SLC35D3: variants seen among roughly 807,000 people sequenced by gnomAD.
The protein encoded by SLC35D3 is solute carrier family 35 member D3.
A neutral mutation model predicts 20.3 loss-of-function variants in SLC35D3; 18 were observed. The ratio of observed to expected loss-of-function variants is 0.89; its 90% CI spans 0.61 to 1.32. The LOEUF (loss-of-function observed/expected upper bound fraction) is 1.32. SLC35D3 is among the 40% of genes most tolerant of loss of function. The pLI, the probability that SLC35D3 is intolerant of heterozygous loss-of-function variation, is 0.00. For synonymous variants in SLC35D3, 313 were observed against 263.5 expected, an observed-to-expected ratio of 1.19 and a Z score of -1.82; for missense variants, 556 against 565.5, an observed-to-expected ratio of 0.98 and a Z score of 0.17.
chr6:136,922,857 C>A lies in SLC35D3; in HGVS notation c.429C>A (p.Ala143=). The change falls in exon 1 of 2, where the codon GCC becomes GCA. Residue 143 remains alanine, a synonymous_variant. Coordinates refer to ENST00000331858, the MANE Select transcript of SLC35D3 (RefSeq NM_001008783.3). This position sits in a 1 kb window ranked among gnomAD's most constrained non-coding sequence, Gnocchi z 6.8. ...CGGTGCTCATCACCACCTGCGGCGC[C>A]GCCCTGGCAGGTGAGCGGGCCCCCG... ...LAAVLITTCG[A]ALAGAGDLTG... 2.0e-6 allele frequency: 3 copies of A among 1,536,756 alleles called. No homozygotes were observed. Among genetic ancestry groups the A allele is most frequent in the South Asian group, 2.4e-5 (2 of 83,692 alleles).
chr6:136,922,363 T>C lies in SLC35D3; in HGVS notation c.-66T>C. 5 of 1,316,680 alleles carry C rather than the reference T, an allele frequency of 3.8e-6. No homozygotes were observed. The highest frequency in any genetic ancestry group is 3.9e-6 in the Non-Finnish European group (4 of 1,037,062). 81.6% of individuals were successfully genotyped at this position (1,316,680 alleles called of 1,614,324 possible). A position where few individuals can be genotyped will look rare whatever the true frequency, so the allele number is the denominator to read the frequency against. ...GGCGCCCCCGCCGCCCTCACTCCGCTGCTCCCGGCTCCTCGCGCGCAGGTC... is the reference window on the plus strand; with the variant it reads ...GGCGCCCCCGCCGCCCTCACTCCGCCGCTCCCGGCTCCTCGCGCGCAGGTC... On this transcript the variant is annotated 5_prime_UTR_variant, in exon 1 of 2. Coordinates refer to ENST00000331858, the MANE Select transcript of SLC35D3 (RefSeq NM_001008783.3). The surrounding 1 kb of genome is among the most constrained non-coding windows in gnomAD (Gnocchi z 6.8).
rs774941211 is a variant in SLC35D3 at position 136,924,554 on chromosome 6, T to C, written c.1109T>C (p.Val370Ala). 8.1e-6 allele frequency: 13 copies of C among 1,612,760 alleles called. No individual in the cohort carries two copies. Among genetic ancestry groups the C allele is most frequent in the Non-Finnish European group, 1.1e-5 (13 of 1,179,864 alleles). Reference protein sequence around the residue: ...RQEVRGSPRGVPLVAGSSEEG... With the variant: ...RQEVRGSPRGAPLVAGSSEEG... Reference sequence around the variant, plus strand: ...GAGGTCAGGGGCAGCCCCCGAGGAGTCCCGCTGGTGGCTGGGAGCTCTGAA... The same window carrying C: ...GAGGTCAGGGGCAGCCCCCGAGGAGCCCCGCTGGTGGCTGGGAGCTCTGAA... Residue 370 changes from valine to alanine, a missense_variant, in exon 2 of 2, where the codon GTC becomes GCC. Transcript: ENST00000331858.
rs780449952 is a variant in SLC35D3 at position 136,924,400 on chromosome 6, C to T, written c.955C>T (p.Arg319Trp). Reference sequence around the variant, plus strand: ...CTACGAGGACCTGGAGGCCCAGCCTCGGGGAGAGGAGGCGCAGCTAAGTGG... The same window carrying T: ...CTACGAGGACCTGGAGGCCCAGCCTTGGGGAGAGGAGGCGCAGCTAAGTGG... ...SNYEDLEAQP[R>W]GEEAQLSGDQ... is the part of the protein sequence containing the mutation. The change falls in exon 2 of 2, where the codon CGG becomes TGG. Residue 319 changes from arginine to tryptophan, a missense_variant. Coordinates refer to ENST00000331858, the MANE Select transcript of SLC35D3 (RefSeq NM_001008783.3). The T allele has an allele frequency of 1.9e-6, 3 of 1,613,872 alleles. No homozygotes were observed. The highest frequency in any genetic ancestry group is 1.3e-5 in the African/African-American group (1 of 74,914).
rs749426592 is a variant in SLC35D3, at chr6:136,922,460, G to T, written c.32G>T (p.Gly11Val). The part of the protein sequence containing the change: MRQLCRGRVL[G>V]ISVAIAHGVF... ...CAGCTGTGCCGGGGCCGCGTGCTGG[G>T]CATCTCGGTGGCCATCGCGCACGGG... The change falls in exon 1 of 2, where the codon GGC becomes GTC. Residue 11 changes from glycine (G) to valine (V), a missense_variant. Physicochemically the swap from Gly to Val is moderately radical, Grantham distance 109. Transcript: ENST00000331858. This position sits in a 1 kb window ranked among gnomAD's most constrained non-coding sequence, Gnocchi z 6.8. 1 of 1,602,806 alleles carries T rather than the reference G, an allele frequency of 6.2e-7. No homozygotes were observed. Among genetic ancestry groups the T allele is most frequent in the South Asian group, 1.1e-5 (1 of 89,342 alleles).
In SLC35D3 at chr6:136,923,448, C is replaced by T. The variant is rs1164943316; in HGVS notation, c.440-437C>T. Reference sequence around the variant, plus strand: ...GGGGGCCAGAACAGGCGTTCTCCCCCGCGCCTGGCCCGCTCCGGGTTGCAG... The same window carrying T: ...GGGGGCCAGAACAGGCGTTCTCCCCTGCGCCTGGCCCGCTCCGGGTTGCAG... On this transcript the variant is annotated intron_variant, in intron 1 of 1. Transcript: ENST00000331858. The surrounding 1 kb of genome is among the most constrained non-coding windows in gnomAD (Gnocchi z 6.2). Among the ~76,000 whole-genome samples the T allele has an allele frequency of 2.0e-5, 3 of 152,196 alleles. No individual in the cohort carries two copies. Among genetic ancestry groups the T allele is most frequent in the Non-Finnish European group, 2.9e-5 (2 of 68,036 alleles).
Position 136,922,510 on chromosome 6 carries a change from T to C in SLC35D3, c.82T>C (p.Leu28=). 2 of 1,611,896 alleles carry C rather than the reference T, an allele frequency of 1.2e-6. No homozygotes were observed. The highest frequency in any genetic ancestry group is 1.7e-5 in the Admixed American group (1 of 59,976). Residue 28 remains leucine (L), a synonymous_variant, in exon 1 of 2, where the codon TTG becomes CTG. Coordinates refer to ENST00000331858, the MANE Select transcript of SLC35D3 (RefSeq NM_001008783.3). This position sits in a 1 kb window ranked among gnomAD's most constrained non-coding sequence, Gnocchi z 6.8. ...HGVFSGSLNI[L]LKFLISRYQF... ...GGTCTTCTCGGGCTCCCTCAACATC[T>C]TGCTCAAGTTCCTCATCAGCCGCTA...
At position 136,925,600 on chromosome 6, in the gene SLC35D3, C is replaced by G. The variant is rs1288534459; in HGVS notation, c.*904C>G. ...TATTCACATTATGATATTTTTCTAT[C>G]TTAAATTTGTCAAAATAAAGTATGA... is the stretch of plus-strand genomic sequence containing the variant. On this transcript the variant is annotated 3_prime_UTR_variant, in exon 2 of 2. Coordinates refer to ENST00000331858, the MANE Select transcript of SLC35D3 (RefSeq NM_001008783.3). The G allele has an allele frequency of 1.3e-5, 2 of 152,166 alleles. No individual in the cohort carries two copies. The highest frequency in any genetic ancestry group is 2.1e-4 in the South Asian group (1 of 4,828). 9.4% of individuals were successfully genotyped at this position (152,166 alleles called of 1,614,324 possible). A position where few individuals can be genotyped will look rare whatever the true frequency, so the allele number is the denominator to read the frequency against.
In SLC35D3 at chr6:136,922,556, T is replaced by C. The variant is rs1238710066; in HGVS notation, c.128T>C (p.Leu43Pro). 8 of 1,612,510 alleles carry C rather than the reference T, an allele frequency of 5.0e-6. No homozygotes were observed. Among genetic ancestry groups the C allele is most frequent in the Non-Finnish European group, 5.9e-6 (7 of 1,179,746 alleles). The change falls in exon 1 of 2, where the codon CTG becomes CCG. Residue 43 changes from leucine (L) to proline (P), a missense_variant. Transcript: ENST00000331858. The surrounding 1 kb of genome is among the most constrained non-coding windows in gnomAD (Gnocchi z 6.8). The stretch of plus-strand genomic sequence containing the variant: ...CGCTACCAGTTCTCCTTCCTGACCC[T>C]GGTGCAGTGCCTGACCAGCTCCACC... ...ISRYQFSFLT[L>P]VQCLTSSTAA...
Position 136,922,708 on chromosome 6 carries a change from TG to T in SLC35D3, c.282del (p.Trp94CysfsTer58). ...CACGCTGCAGTCCAGCCTCACGCTC[TG>T]GTCCCTGCGCGGCCTCAGCCTGCCC... ...LSTLQSSLTL[W>X]SLRGLSLPMY... On this transcript the variant is annotated frameshift_variant, in exon 1 of 2. Transcript: ENST00000331858. LOFTEE classifies it high-confidence loss of function. The surrounding 1 kb of genome is among the most constrained non-coding windows in gnomAD (Gnocchi z 6.8). The T allele has an allele frequency of 6.3e-7, 1 of 1,592,796 alleles. No individual in the cohort carries two copies. Among genetic ancestry groups the T allele is most frequent in the Non-Finnish European group, 8.5e-7 (1 of 1,170,632 alleles).
chr6:136,925,054 T>C lies in SLC35D3; in HGVS notation c.*358T>C, dbSNP rs1776115936. 5.6e-6 allele frequency: 1 copy of C among 177,962 alleles called. No homozygotes were observed. Among genetic ancestry groups the C allele is most frequent in the Non-Finnish European group, 1.2e-5 (1 of 83,770 alleles). 11.0% of individuals were successfully genotyped at this position (177,962 alleles called of 1,614,324 possible). ...CTCCAAAGATGGAGTGTAGAAATGA[T>C]GACAGCACTTAGTAAGTTCAAAGAT... On this transcript the variant is annotated 3_prime_UTR_variant, in exon 2 of 2. Transcript: ENST00000331858.
At position 136,924,526 on chromosome 6, in the gene SLC35D3, C is replaced by T. The variant is rs1776108095; in HGVS notation, c.1081C>T (p.Gln361Ter). Residue 361 changes from glutamine to a stop codon, truncating the protein, a stop_gained, in exon 2 of 2, where the codon CAA (glutamine) becomes TAA (stop). Transcript: ENST00000331858. LOFTEE classifies it high-confidence loss of function. ...AAGGPAQESR[Q>*]EVRGSPRGVP... ...AGGTGGCCCCGCTCAGGAGAGCAGG[C>T]AAGAGGTCAGGGGCAGCCCCCGAGG... 2 of 1,613,220 alleles carry T rather than the reference C, an allele frequency of 1.2e-6. No homozygotes were observed. The highest frequency in any genetic ancestry group is 1.7e-6 in the Non-Finnish European group (2 of 1,179,916).
In SLC35D3 at chr6:136,922,634, C is replaced by T. The variant is rs199706037; in HGVS notation, c.206C>T (p.Pro69Leu). ...CGCCTCGGGCTCATCGCCGTGCCCC[C>T]CTTCGGTCTGAGCCTGGCGCGCTCC... is the stretch of plus-strand genomic sequence containing the variant. ...LRRLGLIAVP[P>L]FGLSLARSFA... is the part of the protein sequence containing the mutation. The change falls in exon 1 of 2, where the codon CCC becomes CTC. Residue 69 changes from proline (P) to leucine (L), a missense_variant. Transcript: ENST00000331858. This position sits in a 1 kb window ranked among gnomAD's most constrained non-coding sequence, Gnocchi z 6.8. 22 of 1,610,126 alleles carry T rather than the reference C, an allele frequency of 1.4e-5. No individual in the cohort carries two copies. The Admixed American group carries it at 1.8e-4, about 13-fold the overall frequency.
Position 136,924,441 on chromosome 6 carries a change from C to G in SLC35D3, c.996C>G (p.Phe332Leu). The G allele has an allele frequency of 6.2e-7, 1 of 1,613,822 alleles. No individual in the cohort carries two copies. Among genetic ancestry groups the G allele is most frequent in the Non-Finnish European group, 8.5e-7 (1 of 1,179,894 alleles). Residue 332 changes from phenylalanine (F) to leucine (L), a missense_variant, in exon 2 of 2, where the codon TTC becomes TTG. Coordinates refer to ENST00000331858, the MANE Select transcript of SLC35D3 (RefSeq NM_001008783.3). ...EAQLSGDQLP[F>L]VMEELPGEGG... Reference sequence around the variant, plus strand: ...AGCTAAGTGGAGACCAGCTGCCGTTCGTGATGGAGGAGCTGCCCGGGGAGG... The same window carrying G: ...AGCTAAGTGGAGACCAGCTGCCGTTGGTGATGGAGGAGCTGCCCGGGGAGG...
In SLC35D3 at chr6:136,922,592, G is replaced by T. The variant is rs1374021486; in HGVS notation, c.164G>T (p.Ser55Ile). The T allele has an allele frequency of 6.2e-7, 1 of 1,612,174 alleles. No individual in the cohort carries two copies. Among genetic ancestry groups the T allele is most frequent in the East Asian group, 2.2e-5 (1 of 44,848 alleles). The change falls in exon 1 of 2, where the codon AGC becomes ATC. Residue 55 changes from serine (S) to isoleucine (I), a missense_variant. Coordinates refer to ENST00000331858, the MANE Select transcript of SLC35D3 (RefSeq NM_001008783.3). The surrounding 1 kb of genome is among the most constrained non-coding windows in gnomAD (Gnocchi z 6.8). ...QCLTSSTAAL[S>I]LELLRRLGLI... ...CTGACCAGCTCCACCGCGGCGCTGA[G>T]CCTGGAGCTGCTGCGGCGCCTCGGG...
rs1211249080 is a variant in SLC35D3 at position 136,924,129 on chromosome 6, C to A, written c.684C>A (p.Ile228=). 2.5e-6 allele frequency: 4 copies of A among 1,612,716 alleles called. No individual in the cohort carries two copies. The highest frequency in any genetic ancestry group is 3.4e-6 in the Non-Finnish European group (4 of 1,180,036). Residue 228 remains isoleucine (I), a synonymous_variant, in exon 2 of 2, where the codon ATC becomes ATA. Coordinates refer to ENST00000331858, the MANE Select transcript of SLC35D3 (RefSeq NM_001008783.3). ...PGWKDPAMVC[I]FVACILIGCA... The stretch of plus-strand genomic sequence containing the variant: ...GGAAGGACCCGGCCATGGTCTGCAT[C>A]TTCGTGGCCTGCATCCTGATCGGCT...
rs1485093634 is a variant in SLC35D3, at chr6:136,922,400, C to T, written c.-29C>T. 2 of 1,450,902 alleles carry T rather than the reference C, an allele frequency of 1.4e-6. No homozygotes were observed. Among genetic ancestry groups the T allele is most frequent in the Non-Finnish European group, 1.8e-6 (2 of 1,107,640 alleles). 89.9% of individuals were successfully genotyped at this position (1,450,902 alleles called of 1,614,324 possible). A position where few individuals can be genotyped will look rare whatever the true frequency, so the allele number is the denominator to read the frequency against. Reference sequence around the variant, plus strand: ...CTCGCGCGCAGGTCGCGGAGCTCCGCCACCGCTGGGTGCGGCGAGGCCGGC... The same window carrying T: ...CTCGCGCGCAGGTCGCGGAGCTCCGTCACCGCTGGGTGCGGCGAGGCCGGC... On this transcript the variant is annotated 5_prime_UTR_variant, in exon 1 of 2. Coordinates refer to ENST00000331858, the MANE Select transcript of SLC35D3 (RefSeq NM_001008783.3). This position sits in a 1 kb window ranked among gnomAD's most constrained non-coding sequence, Gnocchi z 6.8.
Position 136,923,887 on chromosome 6 carries a change from G to C in SLC35D3, c.442G>C (p.Ala148Pro). ...ITTCGAALAG[A>P]GDLTGDPIGY... ...GCCGTCCTCCTCGTGCGCCGCAGGA[G>C]CCGGCGACCTGACGGGCGACCCCAT... The change falls in exon 2 of 2, where the codon GCC becomes CCC. Residue 148 changes from alanine (A) to proline (P), a missense_variant and splice_region_variant. Transcript: ENST00000331858. The surrounding 1 kb of genome is among the most constrained non-coding windows in gnomAD (Gnocchi z 6.2). The C allele has an allele frequency of 6.6e-7, 1 of 1,508,666 alleles. No individual in the cohort carries two copies. Among genetic ancestry groups the C allele is most frequent in the Non-Finnish European group, 8.9e-7 (1 of 1,127,070 alleles). 93.5% of individuals were successfully genotyped at this position (1,508,666 alleles called of 1,614,324 possible). A position where few individuals can be genotyped will look rare whatever the true frequency, so the allele number is the denominator to read the frequency against.
At position 136,924,092 on chromosome 6, in the gene SLC35D3, C is replaced by A. The variant is rs774765884; in HGVS notation, c.647C>A (p.Thr216Asn). Residue 216 changes from threonine (T) to asparagine (N), a missense_variant, in exon 2 of 2, where the codon ACC becomes AAC. Physicochemically the swap from Thr to Asn is moderately conservative, Grantham distance 65. Transcript: ENST00000331858. ...AGCACCGACTCCATCCACGCCTGGA[C>A]CTTCCCGGGCTGGAAGGACCCGGCC... is the stretch of plus-strand genomic sequence containing the variant. Reference protein sequence around the residue: ...FASTDSIHAWTFPGWKDPAMV... With the variant: ...FASTDSIHAWNFPGWKDPAMV... 7 of 1,612,290 alleles carry A rather than the reference C, an allele frequency of 4.3e-6. No individual in the cohort carries two copies. The African/African-American group carries it at 9.3e-5, about 22-fold the overall frequency.
rs144509540 is a variant in SLC35D3, at chr6:136,924,647, A to C, written c.1202A>C (p.Tyr401Ser). The C allele has an allele frequency of 2.3e-4, 367 of 1,614,040 alleles. 1 individual carries two copies. In the Middle Eastern group the frequency reaches 7.6e-3, roughly 33 times the overall value. The change falls in exon 2 of 2, where the codon TAT (tyrosine) becomes TCT (serine). Residue 401 changes from tyrosine to serine, a missense_variant. Coordinates refer to ENST00000331858, the MANE Select transcript of SLC35D3 (RefSeq NM_001008783.3). ...TGGAGGTTGGTTAGGGGAACCAGGT[A>C]TATGAAGAAGGATTATTTGATAGAA... ...EVWRLVRGTR[Y>S]MKKDYLIENE...
Sources: allele counts gnomAD v4.1 joint callset (sites outside exome capture counted in the v4.1 genomes callset), GRCh38; gene constraint gnomAD v4.1.1; non-coding constraint Gnocchi (gnomAD v3.1); transcripts MANE v1.5; gene names NCBI Gene and HGNC (gene_info 2026-07-23, HGNC 2026-07-21).